Variants in TSPAN13 observed in about 807,000 individuals in gnomAD.
The protein encoded by TSPAN13 is tetraspanin 13, also known as tetraspanin-13.
Under a neutral mutation model 26.9 loss-of-function variants are expected in TSPAN13, and 18 were observed. That is an observed-to-expected ratio of 0.67 (90% CI 0.46 to 0.99). The LOEUF (loss-of-function observed/expected upper bound fraction) is 0.99. Among genes scored for constraint, TSPAN13 ranks in the 50% least tolerant of loss-of-function variants. The probability of loss-of-function intolerance (pLI) is 0.00; values close to 1 mark genes in which losing one functional copy is unlikely to be tolerated. For synonymous variants in TSPAN13, 116 were observed against 98.4 expected (o/e 1.18, Z -1.06); for missense variants, 201 against 249.6 (o/e 0.81, Z 1.31).
At chr7:16,772,257 T>G (rs1051987179) in intron 1 of TSPAN13, among the ~76,000 whole-genome samples, 4 of 152,136 alleles carry the variant, frequency 2.6e-5, no homozygotes, top group Non-Finnish European at 5.9e-5. Flanking sequence ...ATGGTAAAAT[T>G]CCAGGCAGGT....
chr7:16,773,412 A>G (rs1784705286), intron 1 of TSPAN13, among the ~76,000 whole-genome samples: 1 of 151,530 alleles, frequency 6.6e-6, no homozygotes, highest in African/African-American at 2.4e-5. Flanking sequence ...GGTATGTATA[A>G]ATAGTTATTG....
chr7:16,776,148 C>A, intron 1 of TSPAN13, 63 bp from the exon 2 acceptor site: 1 of 1,524,714 alleles, frequency 6.6e-7, no homozygotes, highest in South Asian at 1.2e-5. Flanking sequence ...AATTAACTGG[C>A]ATTTTCCCCA....
intron 1 of TSPAN13, among the ~76,000 whole-genome samples, chr7:16,770,784 G>C (rs916306011): frequency 6.6e-6 from 1 of 152,148 alleles, no homozygotes; most frequent in African/African-American, 2.4e-5. Flanking sequence ...CCCAAATGCC[G>C]TCACCTCTTG....
chr7:16,776,522 A>G, intron 2 of TSPAN13, 144 bp downstream of exon 2: 3 of 764,468 alleles, frequency 3.9e-6, no homozygotes, highest in Non-Finnish European at 6.2e-6. Context: ...TATTAGAAAC[A>G]TTTCTTAGGG....
At chr7:16,754,351 A>G (rs923789709) in intron 1 of TSPAN13, among the ~76,000 whole-genome samples, 3 of 150,140 alleles carry the variant, frequency 2.0e-5, no homozygotes, top group Non-Finnish European at 4.4e-5. Flanking sequence ...CCGCTTTCCC[A>G]CCCCGTACCC....
chr7:16,780,322 AC>A (rs902977873), intron 5 of TSPAN13, among the ~76,000 whole-genome samples: 1 of 151,940 alleles, frequency 6.6e-6, no homozygotes, highest in African/African-American at 2.4e-5. Context: ...CTGGTCTGGA[AC>A]CCCTGGCCTC....
At chr7:16,754,378 T>G (rs759351396) in intron 1 of TSPAN13, among the ~76,000 whole-genome samples, 3 of 152,206 alleles carry the variant, frequency 2.0e-5, no homozygotes, top group Non-Finnish European at 4.4e-5. Context: ...CGCTCGCTCC[T>G]GACATCCAGA....
chr7:16,760,110 A>G (rs1784526066), intron 1 of TSPAN13, among the ~76,000 whole-genome samples: 1 of 152,176 alleles, frequency 6.6e-6, no homozygotes, highest in African/African-American at 2.4e-5. Context: ...GGAGAGCACT[A>G]TAGGGCCATG....
At chr7:16,767,241 G>A (rs1784614392) in intron 1 of TSPAN13, among the ~76,000 whole-genome samples, 1 of 152,162 alleles carries the variant, frequency 6.6e-6, no homozygotes, top group Admixed American at 6.5e-5. Flanking sequence ...GAATGTGTAT[G>A]ACAATGTCAT....
At chr7:16,776,415 A>T (rs1212251976) in intron 2 of TSPAN13, 37 bp downstream of exon 2, 2 of 1,584,750 alleles carry the variant, frequency 1.3e-6, no homozygotes, top group Admixed American at 1.7e-5. Context: ...ACTCTTGATG[A>T]CTATTTTGAT....
At chr7:16,768,237 G>T (rs1338117424) in intron 1 of TSPAN13, among the ~76,000 whole-genome samples, 1 of 152,174 alleles carries the variant, frequency 6.6e-6, no homozygotes, top group East Asian at 1.9e-4. Flanking sequence ...TAATATGTGT[G>T]CTGGAAATAT....
chr7:16,774,984 A>C (rs932137639), intron 1 of TSPAN13, among the ~76,000 whole-genome samples: 1 of 152,238 alleles, frequency 6.6e-6, no homozygotes, highest in Non-Finnish European at 1.5e-5. Context: ...TTACATACGA[A>C]AATTTACACA....
chr7:16,759,487 C>T (rs1018680581), intron 1 of TSPAN13, among the ~76,000 whole-genome samples: 3 of 152,212 alleles, frequency 2.0e-5, no homozygotes, highest in Admixed American at 6.5e-5. Flanking sequence ...GGGGGATCCA[C>T]CCCTACGAAT....
intron 1 of TSPAN13, among the ~76,000 whole-genome samples, chr7:16,762,426 G>A (rs1193014713): frequency 2.0e-5 from 3 of 152,162 alleles, no homozygotes; most frequent in Admixed American, 6.6e-5. Context: ...TGGCTGGGAG[G>A]AGGAATGGTG....
intron 1 of TSPAN13, among the ~76,000 whole-genome samples, chr7:16,764,143 G>C (rs1264718689): frequency 2.6e-5 from 4 of 151,778 alleles, no homozygotes; most frequent in Admixed American, 2.0e-4. Flanking sequence ...TCAGTCTTCT[G>C]AGTAGCTGGG....
chr7:16,782,834 C>A (rs761733185), intron 5 of TSPAN13, among the ~76,000 whole-genome samples: 1 of 152,024 alleles, frequency 6.6e-6, no homozygotes, highest in Non-Finnish European at 1.5e-5. Flanking sequence ...AACAGGTTAC[C>A]ACACACATAG....
chr7:16,781,884 G>C (rs904415969), intron 5 of TSPAN13, among the ~76,000 whole-genome samples: 5 of 152,164 alleles, frequency 3.3e-5, no homozygotes, highest in African/African-American at 1.2e-4. Context: ...TTTCCGTGTT[G>C]TAACAGCTAG....
chr7:16,762,867 G>T (rs559801858), intron 1 of TSPAN13, among the ~76,000 whole-genome samples: 1 of 152,044 alleles, frequency 6.6e-6, no homozygotes. Flanking sequence ...TTGTCTTTTG[G>T]GGGGAAACAG....
At chr7:16,765,058 C>T (rs1028342705) in intron 1 of TSPAN13, among the ~76,000 whole-genome samples, 2 of 152,158 alleles carry the variant, frequency 1.3e-5, no homozygotes, top group South Asian at 4.2e-4. Context: ...TATGCCCCAC[C>T]TGTGCTGTAG....
Sources: gnomAD v4.1 joint callset for allele counts (sites outside exome capture counted in the v4.1 genomes callset) on GRCh38, gnomAD v4.1.1 for gene constraint, MANE v1.5 for transcripts, NCBI Gene and HGNC (gene_info 2026-07-23, HGNC 2026-07-21) for gene names.